The following PSMG2 variants were observed in gnomAD, a reference collection of about 807,000 sequenced individuals.
PSMG2 encodes the protein proteasome assembly chaperone 2.
In PSMG2, 21 loss-of-function variants were observed where a neutral mutation model predicts 31.5. The observed-to-expected ratio is 0.67, with a 90% CI of 0.47 to 0.96. The LOEUF is 0.96. PSMG2 is among the 40% of genes least tolerant of loss of function. The pLI, the probability that PSMG2 is intolerant of heterozygous loss-of-function variation, is 0.00. For missense variants in PSMG2, 318 were observed against 321.2 expected (o/e 0.99, Z 0.08); for synonymous variants, 120 against 110.4 (o/e 1.09, Z -0.54).
At position 12,706,643 on chromosome 18, in the gene PSMG2, T is replaced by A; in HGVS notation, c.151T>A (p.Cys51Ser). ...MSKIGYFYTD[C>S]LVPMVGNNPY... ...TAAGATTGGTTACTTCTATACCGAT[T>A]GTCTTGTGCCAATGGTTGGAAACAA... Residue 51 changes from cysteine to serine, a missense_variant, in exon 2 of 7, where the codon TGT becomes AGT. Transcript: ENST00000317615. 6.2e-7 allele frequency: 1 copy of A among 1,614,068 alleles called. No individual in the cohort carries two copies. Among genetic ancestry groups the A allele is most frequent in the Non-Finnish European group, 8.5e-7 (1 of 1,179,926 alleles).
chr18:12,667,241 G>A (rs2038821461), intron 1 of PSMG2, among the ~76,000 whole-genome samples: 1 of 152,030 alleles, frequency 6.6e-6, no homozygotes, highest in South Asian at 2.1e-4. Flanking sequence ...GAGGAGGATC[G>A]CTTGAGGCCA....
intron 1 of PSMG2, chr18:12,680,860 C>T: frequency 1.3e-6 from 2 of 1,560,364 alleles, no homozygotes; most frequent in South Asian, 1.2e-5. Context: ...AGTATTCATT[C>T]TTCCATATTA....
At chr18:12,715,966 C>A (rs1257446081) in intron 3 of PSMG2, among the ~76,000 whole-genome samples, 2 of 152,210 alleles carry the variant, frequency 1.3e-5, no homozygotes, top group Admixed American at 1.3e-4. Context: ...CATAATGCGT[C>A]CTAGTCAGTA....
At chr18:12,694,829 G>A (rs1453479075) in intron 1 of PSMG2, among the ~76,000 whole-genome samples, 2 of 151,462 alleles carry the variant, frequency 1.3e-5, no homozygotes, top group Non-Finnish European at 2.9e-5. Context: ...TCCTGCCTCA[G>A]CCTCCCGGGT....
At chr18:12,686,551 T>C (rs1217487573) in intron 1 of PSMG2, 10 of 855,942 alleles carry the variant, frequency 1.2e-5, no homozygotes, top group Non-Finnish European at 1.6e-5. Flanking sequence ...CAGCATACCA[T>C]TGATCGAGTG....
At position 12,725,695 on chromosome 18, in the gene PSMG2, G is replaced by T; in HGVS notation, c.*164G>T. The T allele has an allele frequency of 2.2e-6, 1 of 449,218 alleles. No homozygotes were observed. Among genetic ancestry groups the T allele is most frequent in the Admixed American group, 4.2e-5 (1 of 23,772 alleles). The allele number at this position is 449,218 out of a possible 1,614,324, so 27.8% of individuals were successfully genotyped here. ...CTCTTTGCCATGCTTTTCATCATAT[G>T]CACCAAATGTAAATTTTGTACAATA... On this transcript the variant is annotated 3_prime_UTR_variant, in exon 7 of 7. Coordinates refer to ENST00000317615, the MANE Select transcript of PSMG2 (RefSeq NM_020232.5).
intron 3 of PSMG2, among the ~76,000 whole-genome samples, chr18:12,716,435 G>A (rs988264785): frequency 1.4e-5 from 2 of 143,474 alleles, no homozygotes; most frequent in African/African-American, 2.6e-5. Context: ...GCCCTGTTGC[G>A]CAGGCTGGAC....
chr18:12,702,280 T>A, upstream of PSMG2: 2 of 545,374 alleles, frequency 3.7e-6, no homozygotes. Context: ...AGACTCTTGC[T>A]AGCACCTGCT....
intron 1 of PSMG2, among the ~76,000 whole-genome samples, chr18:12,660,901 T>C (rs2038683726): frequency 6.6e-6 from 1 of 152,234 alleles, no homozygotes; most frequent in Non-Finnish European, 1.5e-5. Context: ...AAGGAAAATC[T>C]TTAAAATCCT....
chr18:12,688,946 C>G (rs929626063), intron 1 of PSMG2, among the ~76,000 whole-genome samples: 4 of 152,114 alleles, frequency 2.6e-5, no homozygotes, highest in African/African-American at 9.7e-5. Flanking sequence ...AACCCCATCT[C>G]TACTAAAAAC....
At chr18:12,714,618 C>G (rs150571186) in intron 3 of PSMG2, among the ~76,000 whole-genome samples, 62 of 151,908 alleles carry the variant, frequency 4.1e-4, no homozygotes, top group African/African-American at 1.4e-3. Flanking sequence ...CTCACCCTCC[C>G]GAGTAGCTGG....
intron 2 of PSMG2, among the ~76,000 whole-genome samples, chr18:12,709,158 G>T (rs1174875805): frequency 3.3e-5 from 5 of 152,022 alleles, no homozygotes; most frequent in East Asian, 3.9e-4. Context: ...CGATTCTCCT[G>T]CCTCAGCCTC....
At chr18:12,709,080 C>T (rs2040300983) in intron 2 of PSMG2, among the ~76,000 whole-genome samples, 1 of 135,824 alleles carries the variant, frequency 7.4e-6, no homozygotes, top group Admixed American at 7.6e-5. Flanking sequence ...CAGTCTCGCC[C>T]TGTTGCCCAG....
intron 1 of PSMG2, among the ~76,000 whole-genome samples, chr18:12,693,877 G>C (rs529486579): frequency 6.6e-6 from 1 of 152,262 alleles, no homozygotes; most frequent in East Asian, 1.9e-4. Flanking sequence ...CTGTAACCCA[G>C]GCTAGTGTGC....
intron 1 of PSMG2, among the ~76,000 whole-genome samples, chr18:12,705,128 G>A (rs964925964): frequency 4.0e-5 from 6 of 151,710 alleles, no homozygotes; most frequent in Non-Finnish European, 7.4e-5. Context: ...GCAATGGCAC[G>A]ATCTTGGCTC....
At chr18:12,711,322 G>A (rs1054252738) in intron 2 of PSMG2, among the ~76,000 whole-genome samples, 26 of 151,994 alleles carry the variant, frequency 1.7e-4, no homozygotes, top group African/African-American at 6.0e-4. Flanking sequence ...TGCTATCACC[G>A]AAGAAGTGGT....
chr18:12,670,599 T>C (rs992908344), intron 1 of PSMG2: 4 of 152,180 alleles, frequency 2.6e-5, no homozygotes, highest in Non-Finnish European at 5.9e-5. Context: ...AGTTGAAAAT[T>C]ACAAGCAATT....
upstream of PSMG2, chr18:12,700,093 A>G (rs2542173): frequency 0.99 from 396,301 of 398,998 alleles, 196,858 homozygotes; most frequent in East Asian, 1. Flanking sequence ...ATGTAAACTG[A>G]TCACTCCTAA....
chr18:12,669,826 C>T (rs1568005866), intron 1 of PSMG2, among the ~76,000 whole-genome samples: 1 of 151,648 alleles, frequency 6.6e-6, no homozygotes, highest in African/African-American at 2.4e-5. Context: ...CATGCAGAAA[C>T]CCTGTCTCTA....
Sources: allele counts gnomAD v4.1 joint callset (sites outside exome capture counted in the v4.1 genomes callset), GRCh38; gene constraint gnomAD v4.1.1; transcripts MANE v1.5; gene names NCBI Gene and HGNC (gene_info 2026-07-23, HGNC 2026-07-21).